Variants in FOLH1 observed in about 807,000 individuals in gnomAD.
FOLH1 encodes folate hydrolase 1.
FOLH1 carries 54 observed loss-of-function variants against 93.9 expected under a neutral mutation model. The ratio of observed to expected loss-of-function variants is 0.57; its 90% CI spans 0.46 to 0.72. FOLH1 has a LOEUF of 0.72. FOLH1 is among the 30% of genes least tolerant of loss of function. The pLI, the probability that FOLH1 is intolerant of heterozygous loss-of-function variation, is 0.00. For synonymous variants in FOLH1, 249 were observed against 303.6 expected (o/e 0.82, Z 1.87); for missense variants, 571 against 892.5 (o/e 0.64, Z 4.59).
intron 7 of FOLH1, among the ~76,000 whole-genome samples, chr11:49,176,219 A>T (rs1355742247): frequency 1.3e-5 from 2 of 152,206 alleles, no homozygotes; most frequent in African/African-American, 4.8e-5. Flanking sequence ...CAAATTATTG[A>T]TAAGAATTTG....
At chr11:49,170,996 G>A (rs1227303942) in intron 11 of FOLH1, among the ~76,000 whole-genome samples, 199 bp downstream of exon 11, 1 of 152,068 alleles carries the variant, frequency 6.6e-6, no homozygotes, top group South Asian at 2.1e-4. Context: ...GGCTCTAAAA[G>A]GTTCAAACAA....
chr11:49,155,795 C>CATATATATATATATAT (rs10526900), intron 15 of FOLH1, among the ~76,000 whole-genome samples: 6 of 52,112 alleles, frequency 1.2e-4, no homozygotes, highest in Non-Finnish European at 1.8e-4. Flanking sequence ...AAATGAAAAC[C>CATATATATATATATAT]ATATATATAT....
intron 7 of FOLH1, 91 bp from the exon 8 acceptor site, chr11:49,176,048 T>C: frequency 8.7e-7 from 1 of 1,149,434 alleles, no homozygotes; most frequent in Non-Finnish European, 1.3e-6. Context: ...GAGCATCTGC[T>C]CATAATATCT....
At chr11:49,175,277 A>G (rs990645752) in intron 8 of FOLH1, among the ~76,000 whole-genome samples, 2 of 152,088 alleles carry the variant, frequency 1.3e-5, no homozygotes, top group African/African-American at 2.4e-5. Flanking sequence ...ATGGTTTTCA[A>G]GAGAGTTAAA....
intron 18 of FOLH1, among the ~76,000 whole-genome samples, chr11:49,147,731 C>T (rs1855937413): frequency 6.6e-6 from 1 of 151,992 alleles, no homozygotes; most frequent in South Asian, 2.1e-4. Context: ...CTAGACGAGC[C>T]TGCGCAACAT....
Position 49,145,628 on chromosome 11 carries a change from G to A in FOLH1, c.*1128C>T, listed in dbSNP as rs1448169687. Among the ~76,000 whole-genome samples, 2 of 152,116 alleles carry A rather than the reference G, an allele frequency of 1.3e-5. No homozygotes were observed. Among genetic ancestry groups the A allele is most frequent in the South Asian group, 2.1e-4 (1 of 4,822 alleles). ...AACACTACAGCGACTTCTTAACTTT[G>A]AGCGAGGCCACAATGTGAGGGGACT... is the stretch of plus-strand genomic sequence containing the variant. On this transcript the variant is annotated 3_prime_UTR_variant, in exon 19 of 19. Transcript: ENST00000256999.
intron 7 of FOLH1, among the ~76,000 whole-genome samples, chr11:49,176,826 A>C (rs1191953755): frequency 6.7e-6 from 1 of 149,322 alleles, no homozygotes; most frequent in Non-Finnish European, 1.5e-5. Context: ...GTTCCTTAAC[A>C]ATACTCCAAA....
chr11:49,179,403 T>C (rs1047331076), intron 7 of FOLH1, among the ~76,000 whole-genome samples: 9 of 152,206 alleles, frequency 5.9e-5, no homozygotes, highest in Non-Finnish European at 1.0e-4. Context: ...ATACTTCTTT[T>C]ACTAATCCAA....
intron 17 of FOLH1, among the ~76,000 whole-genome samples, chr11:49,150,939 G>T (rs1217569714): frequency 6.6e-6 from 1 of 152,054 alleles, no homozygotes; most frequent in Non-Finnish European, 1.5e-5. Context: ...TTTCCTATGT[G>T]CCAATTACTG....
intron 4 of FOLH1, among the ~76,000 whole-genome samples, chr11:49,191,041 G>A (rs1044688292): frequency 6.6e-6 from 1 of 152,136 alleles, no homozygotes; most frequent in Non-Finnish European, 1.5e-5. Flanking sequence ...GGCCGGGTGC[G>A]GAGGCAGGCA....
intron 18 of FOLH1, among the ~76,000 whole-genome samples, chr11:49,147,316 A>T (rs1388140131): frequency 6.6e-6 from 1 of 152,136 alleles, no homozygotes; most frequent in Non-Finnish European, 1.5e-5. Flanking sequence ...GAGATCAAGT[A>T]ACTAAATGAT....
At chr11:49,149,009 C>T (rs1856122505) in intron 17 of FOLH1, among the ~76,000 whole-genome samples, 1 of 151,940 alleles carries the variant, frequency 6.6e-6, no homozygotes, top group African/African-American at 2.4e-5. Flanking sequence ...TATACATGTG[C>T]CATGTTGGTG....
At chr11:49,165,163 C>T (rs140236049) in intron 12 of FOLH1, among the ~76,000 whole-genome samples, 9 of 152,132 alleles carry the variant, frequency 5.9e-5, no homozygotes, top group Admixed American at 4.6e-4. Context: ...CACTCTCTTA[C>T]CCCCTAATTT....
chr11:49,174,979 T>C lies in FOLH1; in HGVS notation c.1020-2A>G, dbSNP rs755263040. ...GAGTGGATGTGCATCTTGACTTTTCTAATGCAAAAATAAAAGACATTCTTA... is the reference window on the plus strand; with the variant it reads ...GAGTGGATGTGCATCTTGACTTTTCCAATGCAAAAATAAAAGACATTCTTA... On this transcript the variant is annotated splice_acceptor_variant, in intron 8 of 18. Transcript: ENST00000256999. LOFTEE classifies it high-confidence loss of function. 3 of 1,607,082 alleles carry C rather than the reference T, an allele frequency of 1.9e-6. No individual in the cohort carries two copies. Among genetic ancestry groups the C allele is most frequent in the East Asian group, 2.2e-5 (1 of 44,818 alleles).
chr11:49,187,354 C>T (rs577482320), intron 4 of FOLH1, among the ~76,000 whole-genome samples: 45 of 152,154 alleles, frequency 3.0e-4, no homozygotes, highest in Admixed American at 2.5e-3. Flanking sequence ...TTTTTGCTCA[C>T]CTATTCCCTA....
chr11:49,161,563 G>A (rs886650839), intron 13 of FOLH1, among the ~76,000 whole-genome samples: 4 of 152,080 alleles, frequency 2.6e-5, no homozygotes, highest in Non-Finnish European at 4.4e-5. Context: ...ATACCAATAG[G>A]TCCTGGTTCT....
intron 12 of FOLH1, among the ~76,000 whole-genome samples, chr11:49,167,776 A>G (rs1218972270): frequency 2.6e-5 from 4 of 152,048 alleles, no homozygotes; most frequent in Non-Finnish European, 5.9e-5. Flanking sequence ...CGCTCCACGC[A>G]CTCCAACCTG....
intron 12 of FOLH1, among the ~76,000 whole-genome samples, chr11:49,165,563 A>T (rs112536928): frequency 6.6e-6 from 1 of 151,868 alleles, no homozygotes; most frequent in South Asian, 2.1e-4. Context: ...GTCAAGACAA[A>T]TTCACAAACT....
intron 13 of FOLH1, among the ~76,000 whole-genome samples, 174 bp downstream of exon 13, chr11:49,164,530 AG>A (rs1200830732): frequency 3.3e-5 from 5 of 152,192 alleles, no homozygotes; most frequent in African/African-American, 1.2e-4. Flanking sequence ...GTGAGAAATG[AG>A]GCAATCTGTG....
Sources: gnomAD v4.1 joint callset for allele counts (sites outside exome capture counted in the v4.1 genomes callset) on GRCh38, gnomAD v4.1.1 for gene constraint, MANE v1.5 for transcripts, NCBI Gene and HGNC (gene_info 2026-07-23, HGNC 2026-07-21) for gene names.